The following SPTBN1 variants were observed in gnomAD, a reference collection of about 807,000 sequenced individuals.
SPTBN1 encodes the protein spectrin beta chain, non-erythrocytic 1.
In SPTBN1, 32 loss-of-function variants were observed where a neutral mutation model predicts 266.4. The observed-to-expected ratio is 0.12, with a 90% CI of 0.09 to 0.16. The LOEUF is 0.16. Ranked by LOEUF, SPTBN1 falls within the 10% of genes least tolerant of loss-of-function variation. SPTBN1 has a pLI of 1.00. For synonymous variants in SPTBN1, 1,336 were observed against 1,162.2 expected (o/e 1.15, Z -3.04); for missense variants, 2,296 against 3,067.1 (o/e 0.75, Z 5.94).
intron 26 of SPTBN1, among the ~76,000 whole-genome samples, chr2:54,652,349 T>C (rs1382222667): frequency 1.3e-5 from 2 of 152,182 alleles, no homozygotes; most frequent in Non-Finnish European, 2.9e-5. Flanking sequence ...AAGAAAAATA[T>C]TATGCACGTT....
intron 2 of SPTBN1, among the ~76,000 whole-genome samples, chr2:54,532,477 ACTGGCAAG>A (rs1440454014): frequency 2.0e-5 from 3 of 152,210 alleles, no homozygotes; most frequent in Non-Finnish European, 4.4e-5. Flanking sequence ...TATGTAACAG[ACTGGCAAG>A]ATATATACTT....
intron 24 of SPTBN1, among the ~76,000 whole-genome samples, chr2:54,647,508 A>G (rs72906407): frequency 0.014 from 2,130 of 152,308 alleles, 51 homozygotes; most frequent in African/African-American, 0.047. Flanking sequence ...GCTCTCCTGA[A>G]AGAATATTGG....
chr2:54,635,822 T>C (rs1002437125), intron 17 of SPTBN1, among the ~76,000 whole-genome samples: 1 of 152,254 alleles, frequency 6.6e-6, no homozygotes, highest in Non-Finnish European at 1.5e-5. Context: ...TTTGCGTTCT[T>C]GAACTCCCCT....
In SPTBN1 at chr2:54,540,868, A is replaced by T. The variant is rs148547425; in HGVS notation, c.148+14302A>T. ...ATAGGGAATGGAATGTTAAAATTGTAGTAGTTTATACGTAGATTACCTCTA... is the reference window on the plus strand; with the variant it reads ...ATAGGGAATGGAATGTTAAAATTGTTGTAGTTTATACGTAGATTACCTCTA... On this transcript the variant is annotated intron_variant, in intron 2 of 35. Coordinates refer to ENST00000356805, the MANE Select transcript of SPTBN1 (RefSeq NM_003128.3). This position sits in a 1 kb window ranked among gnomAD's most constrained non-coding sequence, Gnocchi z 5.6. Among the ~76,000 whole-genome samples the T allele has an allele frequency of 6.6e-6, 1 of 152,340 alleles. No homozygotes were observed. Among genetic ancestry groups the T allele is most frequent in the South Asian group, 2.1e-4 (1 of 4,832 alleles).
At chr2:54,601,288 A>G (rs2103704652) in intron 3 of SPTBN1, among the ~76,000 whole-genome samples, 1 of 152,342 alleles carries the variant, frequency 6.6e-6, no homozygotes, top group East Asian at 1.9e-4. Context: ...TCTTATTCCA[A>G]AAATAAAGAT....
At chr2:54,512,843 C>G (rs1267431207) in intron 1 of SPTBN1, among the ~76,000 whole-genome samples, 1 of 152,166 alleles carries the variant, frequency 6.6e-6, no homozygotes, top group East Asian at 1.9e-4. Flanking sequence ...TGTTGCATTT[C>G]ACAATTGTTT....
chr2:54,644,096 CTA>C (rs1191738815), intron 19 of SPTBN1, among the ~76,000 whole-genome samples: 1 of 152,138 alleles, frequency 6.6e-6, no homozygotes, highest in Admixed American at 6.5e-5. Flanking sequence ...CCAGTTGAGA[CTA>C]TTTCAGCATG....
At chr2:54,522,681 GA>G (rs1670537671) in intron 1 of SPTBN1, among the ~76,000 whole-genome samples, 1 of 115,620 alleles carries the variant, frequency 8.6e-6, no homozygotes, top group African/African-American at 3.3e-5. Context: ...AGAGAGAGGA[GA>G]GAGAGAGAGA....
chr2:54,519,918 G>A (rs1670337248), intron 1 of SPTBN1, among the ~76,000 whole-genome samples: 1 of 152,150 alleles, frequency 6.6e-6, no homozygotes, highest in South Asian at 2.1e-4. Context: ...GGGCGGCTAG[G>A]AGAAGTGGGG....
rs553436395 is a variant in SPTBN1 at position 54,597,264 on chromosome 2, G to A, written c.149-1828G>A. Among the ~76,000 whole-genome samples the A allele has an allele frequency of 2.1e-4, 32 of 152,258 alleles. 1 individual carries two copies. Among genetic ancestry groups the A allele is most frequent in the Admixed American group, 7.8e-4 (12 of 15,296 alleles). On this transcript the variant is annotated intron_variant, in intron 2 of 35. Coordinates refer to ENST00000356805, the MANE Select transcript of SPTBN1 (RefSeq NM_003128.3). ...TGCTCTAGACCTGCTCTTTCAGAAT[G>A]GCCAAGCTTAGCCCCAGAATTACAG...
chr2:54,655,270 A>G (rs957581032), intron 28 of SPTBN1, 62 bp downstream of exon 28: 7 of 1,592,378 alleles, frequency 4.4e-6, no homozygotes, highest in Non-Finnish European at 6.0e-6. Context: ...ACTTTGTTTT[A>G]TATGTTTGTG....
chr2:54,625,928 G>A lies in SPTBN1; in HGVS notation c.1342-4G>A. The A allele has an allele frequency of 1.2e-6, 2 of 1,612,008 alleles. No homozygotes were observed. Among genetic ancestry groups the A allele is most frequent in the Non-Finnish European group, 1.7e-6 (2 of 1,178,224 alleles). Reference sequence around the variant, plus strand: ...TTCCTTCTTTTCATTCCGTTTCTCTGTAGGACAACTTTGGGTTTGACCTTC... The same window carrying A: ...TTCCTTCTTTTCATTCCGTTTCTCTATAGGACAACTTTGGGTTTGACCTTC... On this transcript the variant is annotated splice_region_variant and splice_polypyrimidine_tract_variant and intron_variant, in intron 11 of 35. Coordinates refer to ENST00000356805, the MANE Select transcript of SPTBN1 (RefSeq NM_003128.3).
chr2:54,610,005 T>C (rs939557059), intron 3 of SPTBN1, among the ~76,000 whole-genome samples: 1 of 151,260 alleles, frequency 6.6e-6, no homozygotes, highest in Admixed American at 6.6e-5. Flanking sequence ...CTCACCTCTC[T>C]TTCTCTTACT....
At chr2:54,583,950 C>G (rs1028557092) in intron 2 of SPTBN1, among the ~76,000 whole-genome samples, 1 of 151,766 alleles carries the variant, frequency 6.6e-6, no homozygotes, top group Non-Finnish European at 1.5e-5. Context: ...AATATGTGCT[C>G]CTAAAAAAAC....
Position 54,622,164 on chromosome 2 carries a change from C to CAGCTGAACTGTTTCAGAGCT in SPTBN1, c.877-135_877-116dup, listed in dbSNP as rs539576374. ...GAGTTAAAATGCTTGTGCCCAGGTA[C>CAGCTGAACTGTTTCAGAGCT]AGCTGAACTGTTTCAGAGCTGGCCA... On this transcript the variant is annotated intron_variant, in intron 8 of 35. Coordinates refer to ENST00000356805, the MANE Select transcript of SPTBN1 (RefSeq NM_003128.3). 2.8e-4 allele frequency: 232 copies of CAGCTGAACTGTTTCAGAGCT among 815,398 alleles called. 3 individuals carry two copies. In the East Asian group the frequency reaches 4.3e-3, roughly 15 times the overall value. The allele number at this position is 815,398 out of a possible 1,614,324, so 50.5% of individuals were successfully genotyped here.
chr2:54,509,023 CAAGTT>C (rs1669719561), intron 1 of SPTBN1, among the ~76,000 whole-genome samples: 1 of 152,090 alleles, frequency 6.6e-6, no homozygotes, highest in Admixed American at 6.5e-5. Context: ...AGTGAGGGCT[CAAGTT>C]AAGGCAGTGA....
In SPTBN1 at chr2:54,637,809, T is replaced by A; in HGVS notation, c.3858+6T>A. 1 of 1,611,392 alleles carries A rather than the reference T, an allele frequency of 6.2e-7. No homozygotes were observed. Among genetic ancestry groups the A allele is most frequent in the South Asian group, 1.1e-5 (1 of 90,890 alleles). ...TCCTGCAAGATTGTCAAGAGGTATG[T>A]TACTCTTTAATCCCTCTATTCCTGT... On this transcript the variant is annotated splice_donor_region_variant and intron_variant, in intron 18 of 35. Coordinates refer to ENST00000356805, the MANE Select transcript of SPTBN1 (RefSeq NM_003128.3).
At chr2:54,555,930 C>T (rs140977688) in intron 2 of SPTBN1, among the ~76,000 whole-genome samples, 1 of 152,200 alleles carries the variant, frequency 6.6e-6, no homozygotes, top group Admixed American at 6.5e-5. Context: ...TCCTTGTCCT[C>T]TGAATTCTTA....
In SPTBN1 at chr2:54,628,246, G is replaced by A. The variant is rs1488904614; in HGVS notation, c.1794G>A (p.Gly598=). The change falls in exon 13 of 36, where the codon GGG becomes GGA. Residue 598 remains glycine, a synonymous_variant. Transcript: ENST00000356805. The surrounding 1 kb of genome is among the most constrained non-coding windows in gnomAD (Gnocchi z 4.3). ...CCGCCCAGAAGTTCGCAACAGACGG[G>A]GAAGGTAAGGATGGCCCATTCCAAG... ...NASAQKFATD[G]EGYKPCDPQV... 1.2e-6 allele frequency: 2 copies of A among 1,611,806 alleles called. No individual in the cohort carries two copies. The highest frequency in any genetic ancestry group is 2.2e-5 in the South Asian group (2 of 90,716).
Sources: gnomAD v4.1 joint callset for allele counts (sites outside exome capture counted in the v4.1 genomes callset) on GRCh38, gnomAD v4.1.1 for gene constraint, Gnocchi (gnomAD v3.1) non-coding constraint, MANE v1.5 for transcripts, NCBI Gene and HGNC (gene_info 2026-07-23, HGNC 2026-07-21) for gene names.